The following RSPO2 variants were observed in gnomAD, a reference collection of about 807,000 sequenced individuals.
RSPO2 encodes the protein R-spondin-2.
RSPO2 carries 14 observed loss-of-function variants against 30.9 expected under a neutral mutation model. That is an observed-to-expected ratio of 0.45 (90% CI 0.30 to 0.71). The LOEUF (loss-of-function observed/expected upper bound fraction) is 0.71. Ranked by LOEUF, RSPO2 falls within the 30% of genes least tolerant of loss-of-function variation. The pLI, the probability that RSPO2 is intolerant of heterozygous loss-of-function variation, is 0.08. For missense variants in RSPO2, 264 were observed against 301.9 expected, an observed-to-expected ratio of 0.87 and a Z score of 0.93; for synonymous variants, 107 against 96.4, an observed-to-expected ratio of 1.11 and a Z score of -0.64.
chr8:107,908,218 T>A (rs1811714187), intron 5 of RSPO2, among the ~76,000 whole-genome samples: 1 of 152,134 alleles, frequency 6.6e-6, no homozygotes, highest in South Asian at 2.1e-4. Flanking sequence ...AGTAAGAATA[T>A]TCCATAACCT....
intron 3 of RSPO2, among the ~76,000 whole-genome samples, chr8:107,985,564 G>A (rs1392617346): frequency 6.6e-6 from 1 of 152,154 alleles, no homozygotes; most frequent in Non-Finnish European, 1.5e-5. Context: ...AAACAAAAAT[G>A]TCAAGAACAG....
intron 2 of RSPO2, among the ~76,000 whole-genome samples, chr8:108,053,112 G>A (rs955483091): frequency 6.6e-6 from 1 of 152,116 alleles, no homozygotes; most frequent in African/African-American, 2.4e-5. Flanking sequence ...GGGACTGAGT[G>A]TATCTTGATC....
chr8:108,041,009 A>T (rs1811736062), intron 2 of RSPO2, among the ~76,000 whole-genome samples: 1 of 152,124 alleles, frequency 6.6e-6, no homozygotes, highest in African/African-American at 2.4e-5. Flanking sequence ...TGTCTGGGGC[A>T]GGGTGTACAG....
At position 107,900,982 on chromosome 8, in the gene RSPO2, A is replaced by G; in HGVS notation, c.*93T>C. ...GGGAACAGATACTGGGCAGAGCAGC[A>G]CAAAGGCTGCACACCAGTGTGCAGG... On this transcript the variant is annotated 3_prime_UTR_variant, in exon 6 of 6. Transcript: ENST00000276659. 7.4e-7 allele frequency: 1 copy of G among 1,354,974 alleles called. No individual in the cohort carries two copies. The highest frequency in any genetic ancestry group is 1.0e-6 in the Non-Finnish European group (1 of 980,920). 83.9% of individuals were successfully genotyped at this position (1,354,974 alleles called of 1,614,324 possible).
intron 2 of RSPO2, among the ~76,000 whole-genome samples, chr8:108,011,920 C>A (rs576983801): frequency 6.6e-6 from 1 of 152,226 alleles, no homozygotes; most frequent in South Asian, 2.1e-4. Flanking sequence ...AGTAATTAGG[C>A]AAAGTACACA....
intron 2 of RSPO2, among the ~76,000 whole-genome samples, chr8:108,013,960 G>A (rs890514299): frequency 6.6e-6 from 1 of 152,072 alleles, no homozygotes. Context: ...ATCTGACAAA[G>A]GGCTAATATC....
intron 2 of RSPO2, among the ~76,000 whole-genome samples, chr8:108,081,203 T>G (rs908490777): frequency 6.6e-6 from 1 of 151,988 alleles, no homozygotes; most frequent in African/African-American, 2.4e-5. Flanking sequence ...TCGCACACCA[T>G]CAGTTATTTG....
intron 3 of RSPO2, among the ~76,000 whole-genome samples, chr8:107,963,057 T>C (rs2130447353): frequency 6.6e-6 from 1 of 152,326 alleles, no homozygotes; most frequent in East Asian, 1.9e-4. Context: ...TATCATGCTC[T>C]GTAAAGTCCC....
At chr8:107,925,409 A>T (rs2130324095) in intron 5 of RSPO2, among the ~76,000 whole-genome samples, 1 of 151,232 alleles carries the variant, frequency 6.6e-6, no homozygotes, top group African/African-American at 2.4e-5. Context: ...ATATTTATAT[A>T]TATTTTTTAT....
chr8:107,948,733 G>A (rs1813144886), intron 5 of RSPO2, among the ~76,000 whole-genome samples: 1 of 151,942 alleles, frequency 6.6e-6, no homozygotes. Flanking sequence ...GGTGGCGGGT[G>A]CCTGTGGTCC....
chr8:107,911,728 T>C (rs1811834375), intron 5 of RSPO2, among the ~76,000 whole-genome samples: 1 of 152,150 alleles, frequency 6.6e-6, no homozygotes, highest in Non-Finnish European at 1.5e-5. Context: ...GTTAAGTAAA[T>C]AGCACAAAAT....
intron 5 of RSPO2, among the ~76,000 whole-genome samples, chr8:107,933,748 A>G (rs2130352687): frequency 6.6e-6 from 1 of 152,346 alleles, no homozygotes; most frequent in East Asian, 1.9e-4. Context: ...AAAACAGTCT[A>G]TAAATTCAGC....
intron 3 of RSPO2, among the ~76,000 whole-genome samples, chr8:107,963,952 G>T (rs988390480): frequency 4.6e-5 from 7 of 152,100 alleles, no homozygotes; most frequent in Admixed American, 3.9e-4. Context: ...AGCCATCTCC[G>T]TATCCTTTGT....
At chr8:107,939,752 AC>A (rs773767595) in intron 5 of RSPO2, among the ~76,000 whole-genome samples, 37 of 152,100 alleles carry the variant, frequency 2.4e-4, no homozygotes, top group Admixed American at 7.2e-4. Context: ...AAGAAAAAAA[AC>A]ATCTAGAATC....
chr8:108,008,794 A>AT (rs1563561539), intron 2 of RSPO2, among the ~76,000 whole-genome samples: 8 of 150,144 alleles, frequency 5.3e-5, no homozygotes, highest in African/African-American at 7.4e-5. Flanking sequence ...CTGCAAAAAA[A>AT]AAAAAATAAA....
At chr8:108,064,767 C>T (rs13267314) in intron 2 of RSPO2, among the ~76,000 whole-genome samples, 1 of 151,984 alleles carries the variant, frequency 6.6e-6, no homozygotes, top group Non-Finnish European at 1.5e-5. Context: ...ATACTTGGAA[C>T]CAACCCAAAT....
chr8:107,942,813 T>C (rs915399417), intron 5 of RSPO2, among the ~76,000 whole-genome samples: 3 of 152,252 alleles, frequency 2.0e-5, no homozygotes, highest in African/African-American at 7.2e-5. Context: ...CATAGCTAGC[T>C]TGTCCATGCA....
chr8:107,918,561 C>T (rs967841800), intron 5 of RSPO2, among the ~76,000 whole-genome samples: 5 of 152,070 alleles, frequency 3.3e-5, no homozygotes, highest in South Asian at 2.1e-4. Flanking sequence ...AACAGACCCA[C>T]GAGCCCCAAG....
chr8:107,993,783 C>T (rs1814927103), intron 2 of RSPO2, among the ~76,000 whole-genome samples: 1 of 152,134 alleles, frequency 6.6e-6, no homozygotes, highest in African/African-American at 2.4e-5. Context: ...TTTCTTGCTT[C>T]TTTCAGTCTT....
Sources: gnomAD v4.1 joint callset for allele counts (sites outside exome capture counted in the v4.1 genomes callset) on GRCh38, gnomAD v4.1.1 for gene constraint, MANE v1.5 for transcripts, NCBI Gene and HGNC (gene_info 2026-07-23, HGNC 2026-07-21) for gene names.